Variants in ST6GALNAC5 observed in about 807,000 individuals in gnomAD.
The protein encoded by ST6GALNAC5 is ST6 N-acetylgalactosaminide alpha-2,6-sialyltransferase 5, also known as alpha-N-acetylgalactosaminide alpha-2,6-sialyltransferase 5.
In ST6GALNAC5, 27 loss-of-function variants were observed where a neutral mutation model predicts 33.6. That is an observed-to-expected ratio of 0.80 (90% CI 0.59 to 1.11). The LOEUF (loss-of-function observed/expected upper bound fraction) is 1.11. Among genes scored for constraint, ST6GALNAC5 ranks in the 50% least tolerant of loss-of-function variants. ST6GALNAC5 has a pLI of 0.00. For synonymous variants in ST6GALNAC5, 194 were observed against 171.2 expected (o/e 1.13, Z -1.04); for missense variants, 428 against 454.0 (o/e 0.94, Z 0.52).
intron 2 of ST6GALNAC5, among the ~76,000 whole-genome samples, chr1:77,006,279 C>T (rs111563127): frequency 0.011 from 1,630 of 151,594 alleles, 31 homozygotes; most frequent in African/African-American, 0.038. Context: ...TTTAGCCTCC[C>T]AAGTAGCTGG....
At chr1:77,056,232 A>T (rs1652391055) in intron 4 of ST6GALNAC5, among the ~76,000 whole-genome samples, 1 of 152,184 alleles carries the variant, frequency 6.6e-6, no homozygotes, top group African/African-American at 2.4e-5. Flanking sequence ...TGTAAGCCAA[A>T]TTCATTCTCT....
intron 2 of ST6GALNAC5, among the ~76,000 whole-genome samples, chr1:76,930,039 G>T (rs969832935): frequency 1.1e-4 from 17 of 152,110 alleles, no homozygotes; most frequent in Admixed American, 6.5e-4. Flanking sequence ...GATGTAGCTT[G>T]TGTTTGTGGC....
chr1:77,019,136 G>C (rs11162252), intron 2 of ST6GALNAC5, among the ~76,000 whole-genome samples: 4 of 152,152 alleles, frequency 2.6e-5, no homozygotes, highest in Non-Finnish European at 4.4e-5. Context: ...GCCAGGGCAG[G>C]GGGGAGATAC....
intron 2 of ST6GALNAC5, among the ~76,000 whole-genome samples, chr1:76,883,648 T>C (rs1653833065): frequency 6.6e-6 from 1 of 152,200 alleles, no homozygotes; most frequent in African/African-American, 2.4e-5. Context: ...AACAGTATAG[T>C]ACCATGACAG....
chr1:76,867,838 T>C, intron 1 of ST6GALNAC5, 148 bp downstream of exon 1: 1 of 1,160,186 alleles, frequency 8.6e-7, no homozygotes, highest in Non-Finnish European at 1.2e-6. Flanking sequence ...CGCTCCGCGT[T>C]CCCTCCCGAT....
intron 2 of ST6GALNAC5, among the ~76,000 whole-genome samples, chr1:77,006,690 GT>G: frequency 6.6e-6 from 1 of 152,242 alleles, no homozygotes; most frequent in South Asian, 2.1e-4. Context: ...ACATTTATTT[GT>G]CAGTTACCTA....
chr1:76,939,234 C>T (rs938047408), intron 2 of ST6GALNAC5, among the ~76,000 whole-genome samples: 1 of 151,996 alleles, frequency 6.6e-6, no homozygotes, highest in Admixed American at 6.6e-5. Flanking sequence ...CTGTTAGGGC[C>T]AGAAAATGCA....
At chr1:76,867,828 C>G (rs965639919) in intron 1 of ST6GALNAC5, 138 bp downstream of exon 1, 1 of 1,246,354 alleles carries the variant, frequency 8.0e-7, no homozygotes, top group East Asian at 2.4e-5. Context: ...ACTTTCTACC[C>G]GCTCCGCGTT....
chr1:76,913,469 T>G (rs1235304775), intron 2 of ST6GALNAC5, among the ~76,000 whole-genome samples: 1 of 152,104 alleles, frequency 6.6e-6, no homozygotes, highest in African/African-American at 2.4e-5. Flanking sequence ...TTGGCCTGCC[T>G]TGCTAGATTC....
At chr1:77,036,199 A>C (rs1289847149) in intron 2 of ST6GALNAC5, among the ~76,000 whole-genome samples, 5 of 152,176 alleles carry the variant, frequency 3.3e-5, no homozygotes. Flanking sequence ...ATTTATGCGA[A>C]ATGTCCAGAA....
chr1:76,970,239 G>A (rs574851301), intron 2 of ST6GALNAC5, among the ~76,000 whole-genome samples: 2 of 151,950 alleles, frequency 1.3e-5, no homozygotes, highest in South Asian at 4.2e-4. Context: ...TCAGAAGGTC[G>A]GTAATAACAA....
intron 2 of ST6GALNAC5, among the ~76,000 whole-genome samples, chr1:76,873,157 TGCTCTTCTCTCTTCCTGGAAA>T (rs1017744418): frequency 6.6e-6 from 1 of 152,154 alleles, no homozygotes; most frequent in Non-Finnish European, 1.5e-5. Flanking sequence ...CCTTTGCACA[TGCTCTTCTCTCTTCCTGGAAA>T]GCTCTTCCCC....
At chr1:77,043,821 A>T (rs1321336791) in intron 2 of ST6GALNAC5, among the ~76,000 whole-genome samples, 1 of 152,204 alleles carries the variant, frequency 6.6e-6, no homozygotes, top group Non-Finnish European at 1.5e-5. Context: ...GCACAACTTT[A>T]TTACTGGCTA....
intron 2 of ST6GALNAC5, among the ~76,000 whole-genome samples, chr1:76,915,214 G>C (rs1646957907): frequency 6.6e-6 from 1 of 151,242 alleles, no homozygotes; most frequent in African/African-American, 2.4e-5. Flanking sequence ...AGAGGATGTG[G>C]AGAAATAGGA....
intron 2 of ST6GALNAC5, among the ~76,000 whole-genome samples, chr1:76,941,964 T>A (rs540957979): frequency 6.6e-6 from 1 of 152,196 alleles, no homozygotes; most frequent in East Asian, 1.9e-4. Flanking sequence ...CAGAGTCAAT[T>A]CTGAAAAACA....
chr1:77,007,800 T>C (rs1422041345), intron 2 of ST6GALNAC5, among the ~76,000 whole-genome samples: 1 of 152,234 alleles, frequency 6.6e-6, no homozygotes, highest in Non-Finnish European at 1.5e-5. Flanking sequence ...ACAATTACTT[T>C]TGCACCAACC....
intron 1 of ST6GALNAC5, 81 bp downstream of exon 1, chr1:76,867,771 C>G (rs1653375463): frequency 1.9e-6 from 3 of 1,603,444 alleles, no homozygotes; most frequent in Non-Finnish European, 2.6e-6. Flanking sequence ...GTGGAGACTC[C>G]GAGACGCCTA....
intron 2 of ST6GALNAC5, among the ~76,000 whole-genome samples, chr1:76,966,640 T>C (rs905662266): frequency 6.6e-5 from 10 of 152,184 alleles, no homozygotes; most frequent in African/African-American, 2.2e-4. Context: ...CTATGTTGAA[T>C]AGGAGTGGTG....
At chr1:76,996,070 G>C (rs1649927459) in intron 2 of ST6GALNAC5, among the ~76,000 whole-genome samples, 1 of 152,206 alleles carries the variant, frequency 6.6e-6, no homozygotes. Flanking sequence ...CATTATAAAG[G>C]TGACAAGCAT....
Sources: allele counts gnomAD v4.1 joint callset (sites outside exome capture counted in the v4.1 genomes callset), GRCh38; gene constraint gnomAD v4.1.1; transcripts MANE v1.5; gene names NCBI Gene and HGNC (gene_info 2026-07-23, HGNC 2026-07-21).